CCDC171: variants seen among roughly 807,000 people sequenced by gnomAD.
CCDC171 encodes the protein coiled-coil domain containing 171.
CCDC171 carries 177 observed loss-of-function variants against 168.2 expected under a neutral mutation model. The observed-to-expected ratio is 1.05, with a 90% CI of 0.93 to 1.19. The LOEUF (loss-of-function observed/expected upper bound fraction) is 1.19. CCDC171 is among the 50% of genes most tolerant of loss of function. CCDC171 has a pLI of 0.00. For missense variants in CCDC171, 1,991 were observed against 1,539.0 expected (o/e 1.29, Z -4.91); for synonymous variants, 687 against 540.8 (o/e 1.27, Z -3.75).
chr9:15,975,142 A>G (rs1831581739), downstream of CCDC171, among the ~76,000 whole-genome samples: 1 of 152,174 alleles, frequency 6.6e-6, no homozygotes. Context: ...CAACTGTTTT[A>G]TGCCAGTTAT....
intron 6 of CCDC171, among the ~76,000 whole-genome samples, chr9:16,030,604 G>A (rs1424318886): frequency 2.6e-5 from 4 of 152,212 alleles, no homozygotes; most frequent in Admixed American, 2.6e-4. Flanking sequence ...AGGAACATCT[G>A]TCTAGTACTG....
At chr9:15,689,119 A>G (rs2050610859) in intron 10 of CCDC171, among the ~76,000 whole-genome samples, 1 of 152,250 alleles carries the variant, frequency 6.6e-6, no homozygotes, top group Admixed American at 6.5e-5. Context: ...TGACAATAAA[A>G]TAATAAAGAA....
intron 24 of CCDC171, chr9:15,875,921 A>G (rs1354761146): frequency 6.6e-6 from 1 of 152,046 alleles, no homozygotes; most frequent in East Asian, 1.9e-4. Context: ...GTGTATTTTA[A>G]ATTTGATTGT....
chr9:15,574,373 G>A (rs1255036316), intron 3 of CCDC171, among the ~76,000 whole-genome samples: 1 of 151,970 alleles, frequency 6.6e-6, no homozygotes, highest in Non-Finnish European at 1.5e-5. Flanking sequence ...TCGAACTCCT[G>A]ACTTTGTGAT....
intron 21 of CCDC171, among the ~76,000 whole-genome samples, chr9:15,840,203 T>A (rs2060618202): frequency 6.6e-6 from 1 of 152,168 alleles, no homozygotes. Context: ...ACAAAGTTTT[T>A]TATTTAAATA....
At chr9:15,763,609 G>C (rs1344090021) in intron 18 of CCDC171, among the ~76,000 whole-genome samples, 3 of 152,194 alleles carry the variant, frequency 2.0e-5, no homozygotes, top group African/African-American at 7.2e-5. Context: ...TCTCCCAGGA[G>C]CTGGGAAAAT....
intron 24 of CCDC171, among the ~76,000 whole-genome samples, chr9:15,906,670 C>T (rs1207822484): frequency 1.3e-5 from 2 of 152,118 alleles, no homozygotes; most frequent in East Asian, 1.9e-4. Flanking sequence ...AAGTTCTGGC[C>T]AGGGCAATCA....
At chr9:16,035,333 A>C (rs571815605) in intron 6 of CCDC171, 1 of 152,338 alleles carries the variant, frequency 6.6e-6, no homozygotes, top group East Asian at 1.9e-4. Flanking sequence ...CCCTTTAAAA[A>C]AATTTTGGTT....
At chr9:15,977,272 G>C (rs537687579), downstream of CCDC171, among the ~76,000 whole-genome samples, 1 of 152,232 alleles carries the variant, frequency 6.6e-6, no homozygotes, top group East Asian at 1.9e-4. Context: ...AAACAAATCA[G>C]AATCTAAAGG....
At chr9:15,997,995 A>C (rs1020287849) in intron 3 of CCDC171, among the ~76,000 whole-genome samples, 1 of 152,194 alleles carries the variant, frequency 6.6e-6, no homozygotes. Context: ...AAGTGCTCCC[A>C]TGGTAGCTGT....
chr9:15,903,204 T>C (rs1418739008), intron 24 of CCDC171, among the ~76,000 whole-genome samples: 1 of 152,140 alleles, frequency 6.6e-6, no homozygotes, highest in Non-Finnish European at 1.5e-5. Context: ...AGCACGGAGT[T>C]TGAGATCTGA....
chr9:15,844,518 T>G (rs962908732), intron 21 of CCDC171, among the ~76,000 whole-genome samples: 4 of 152,058 alleles, frequency 2.6e-5, no homozygotes, highest in African/African-American at 7.2e-5. Flanking sequence ...GATGTCATTC[T>G]CCTCTTTTCA....
intron 18 of CCDC171, among the ~76,000 whole-genome samples, chr9:15,774,940 T>C (rs2057230218): frequency 6.6e-6 from 1 of 152,288 alleles, no homozygotes; most frequent in Non-Finnish European, 1.5e-5. Context: ...ACATTGTACT[T>C]TGGGGACTCA....
At chr9:15,692,322 G>A (rs950556639) in intron 10 of CCDC171, among the ~76,000 whole-genome samples, 4 of 151,426 alleles carry the variant, frequency 2.6e-5, no homozygotes, top group East Asian at 1.9e-4. Flanking sequence ...GCACTGAGCC[G>A]AGATTGTTCT....
At chr9:16,035,785 A>G (rs1399691174) in intron 7 of CCDC171, among the ~76,000 whole-genome samples, 6 of 152,190 alleles carry the variant, frequency 3.9e-5, no homozygotes, top group African/African-American at 1.4e-4. Context: ...ACAAATATTT[A>G]TTCAATATCC....
chr9:15,828,149 G>T (rs9406542), intron 21 of CCDC171, among the ~76,000 whole-genome samples: 65,964 of 151,926 alleles, frequency 0.43, 14,505 homozygotes, highest in Non-Finnish European at 0.46. Flanking sequence ...GATGATTTCA[G>T]CTTTTCGTTT....
At chr9:15,946,530 C>G (rs1828407653) in intron 25 of CCDC171, among the ~76,000 whole-genome samples, 1 of 151,970 alleles carries the variant, frequency 6.6e-6, no homozygotes, top group African/African-American at 2.4e-5. Flanking sequence ...AGGATACAAA[C>G]AAATGGAAGA....
At chr9:15,623,905 G>A (rs528096800) in intron 7 of CCDC171, among the ~76,000 whole-genome samples, 23 of 152,260 alleles carry the variant, frequency 1.5e-4, no homozygotes, top group East Asian at 1.9e-4. Flanking sequence ...ATTTTTATTC[G>A]TGAATGATAC....
chr9:15,807,170 C>G (rs1415116528), intron 21 of CCDC171, among the ~76,000 whole-genome samples: 2 of 152,166 alleles, frequency 1.3e-5, no homozygotes, highest in Admixed American at 1.3e-4. Context: ...TTTCTTCAAT[C>G]TCAATGATCT....
Sources: allele counts gnomAD v4.1 joint callset (sites outside exome capture counted in the v4.1 genomes callset), GRCh38; gene constraint gnomAD v4.1.1; transcripts MANE v1.5; gene names NCBI Gene and HGNC (gene_info 2026-07-23, HGNC 2026-07-21).